WASHC5: variants seen among roughly 807,000 people sequenced by gnomAD.
The protein encoded by WASHC5 is WASH complex subunit strumpellin.
A neutral mutation model predicts 150.4 loss-of-function variants in WASHC5; 101 were observed. That is an observed-to-expected ratio of 0.67 (90% CI 0.57 to 0.79). The LOEUF (loss-of-function observed/expected upper bound fraction) is 0.79, where lower values mean the gene tolerates loss of function less well. WASHC5 is among the 30% of genes least tolerant of loss of function. The pLI, the probability that WASHC5 is intolerant of heterozygous loss-of-function variation, is 0.00. For missense variants in WASHC5, 1,195 were observed against 1,396.3 expected (o/e 0.86, Z 2.30); for synonymous variants, 467 against 491.2 (o/e 0.95, Z 0.65).
At chr8:125,062,276 A>C (rs1005465061) in intron 11 of WASHC5, among the ~76,000 whole-genome samples, 3 of 152,184 alleles carry the variant, frequency 2.0e-5, no homozygotes, top group African/African-American at 7.2e-5. Flanking sequence ...ATAAGGATTA[A>C]GATGTGTATC....
At position 125,067,678 on chromosome 8, in the gene WASHC5, G is replaced by T; in HGVS notation, c.1192C>A (p.Gln398Lys). The part of the protein sequence containing the change: ...NNKRLRQIKD[Q>K]ILTDSRYNPR... ...TTGTACCGAGAGTCTGTTAGAATCT[G>T]GTCCTTGATTTGACGAAGGCGTTTG... The change falls in exon 10 of 29, where the codon CAG becomes AAG. Residue 398 changes from glutamine to lysine, a missense_variant. Gln to Lys is a moderately conservative substitution (Grantham distance 53, BLOSUM62 1). Around this residue, in one of 3 missense-constraint regions of WASHC5, gnomAD observed 997 missense variants for 1,168.1 expected, o/e 0.85. Coordinates refer to ENST00000318410, the MANE Select transcript of WASHC5 (RefSeq NM_014846.4). 6.2e-7 allele frequency: 1 copy of T among 1,613,744 alleles called. No individual in the cohort carries two copies. The highest frequency in any genetic ancestry group is 8.5e-7 in the Non-Finnish European group (1 of 1,179,730).
chr8:125,047,576 T>C (rs1003886152), intron 19 of WASHC5, among the ~76,000 whole-genome samples: 13 of 151,944 alleles, frequency 8.6e-5, no homozygotes, highest in Non-Finnish European at 1.6e-4. Flanking sequence ...TAGCTGGGAT[T>C]ACAGGCACCC....
intron 1 of WASHC5, among the ~76,000 whole-genome samples, chr8:125,085,196 G>A (rs1018013851): frequency 6.6e-6 from 1 of 152,134 alleles, no homozygotes; most frequent in Non-Finnish European, 1.5e-5. Flanking sequence ...TTACAATAAA[G>A]AAATAAGAAG....
intron 24 of WASHC5, among the ~76,000 whole-genome samples, chr8:125,039,399 T>C (rs1815816470): frequency 6.6e-6 from 1 of 152,192 alleles, no homozygotes; most frequent in African/African-American, 2.4e-5. Flanking sequence ...CTCTGGATGA[T>C]GAGTGATCAG....
intron 12 of WASHC5, 64 bp downstream of exon 12, chr8:125,061,018 G>A: frequency 1.2e-6 from 1 of 847,544 alleles, no homozygotes; most frequent in Non-Finnish European, 2.0e-6. Context: ...GGAACAGACT[G>A]CTGGGTGGGT....
rs549642546 is a variant in WASHC5 at position 125,040,262 on chromosome 8, TCTTA to T, written c.2851-368_2851-365del. ...CAAATTTAGTAGCTGCTGTGAGAAG[TCTTA>T]CTTACTTCCTTTTATTTATCCTAAA... On this transcript the variant is annotated intron_variant, in intron 23 of 28. Coordinates refer to ENST00000318410, the MANE Select transcript of WASHC5 (RefSeq NM_014846.4). Among the ~76,000 whole-genome samples, 380 of 152,340 alleles carry T rather than the reference TCTTA, an allele frequency of 2.5e-3. 3 individuals carry two copies. Among genetic ancestry groups the T allele is most frequent in the Non-Finnish European group, 2.6e-3 (180 of 68,026 alleles).
At chr8:125,088,544 A>C (rs1008452964) in intron 1 of WASHC5, among the ~76,000 whole-genome samples, 2 of 152,050 alleles carry the variant, frequency 1.3e-5, no homozygotes, top group African/African-American at 4.8e-5. Context: ...GTAGCTTGCT[A>C]GTCCAGGGGA....
rs757307963 is a variant in WASHC5 at position 125,024,427 on chromosome 8, G to A, written c.*190C>T. 2.1e-5 allele frequency: 13 copies of A among 633,586 alleles called. No individual in the cohort carries two copies. The highest frequency in any genetic ancestry group is 3.7e-5 in the Non-Finnish European group (13 of 348,924). The allele number at this position is 633,586 out of a possible 1,614,324, so 39.2% of individuals were successfully genotyped here. A position where few individuals can be genotyped will look rare whatever the true frequency, so the allele number is the denominator to read the frequency against. On this transcript the variant is annotated 3_prime_UTR_variant, in exon 29 of 29. Transcript: ENST00000318410. ...TGATATAAATTGCATGTAATACCATGATTTAAACAATATCAGTTATATTAA... is the reference window on the plus strand; with the variant it reads ...TGATATAAATTGCATGTAATACCATAATTTAAACAATATCAGTTATATTAA...
chr8:125,062,494 G>A (rs1816625759), intron 11 of WASHC5, among the ~76,000 whole-genome samples: 1 of 152,104 alleles, frequency 6.6e-6, no homozygotes, highest in African/African-American at 2.4e-5. Flanking sequence ...TTGTTTTGCA[G>A]GTCACAATAT....
chr8:125,047,341 A>G lies in WASHC5; in HGVS notation c.2380-10T>C. 1 of 1,613,032 alleles carries G rather than the reference A, an allele frequency of 6.2e-7. No homozygotes were observed. The highest frequency in any genetic ancestry group is 8.5e-7 in the Non-Finnish European group (1 of 1,179,002). ...TTTGCCAATCTTGAATCTAGAAAAC[A>G]AAACCATCAATATTTAGTAAACCTT... On this transcript the variant is annotated splice_polypyrimidine_tract_variant and intron_variant, in intron 19 of 28. Transcript: ENST00000318410.
At chr8:125,053,388 A>G (rs1816307877) in intron 17 of WASHC5, among the ~76,000 whole-genome samples, 1 of 152,178 alleles carries the variant, frequency 6.6e-6, no homozygotes, top group African/African-American at 2.4e-5. Flanking sequence ...GGAAAAGATC[A>G]GTATTTTACC....
intron 9 of WASHC5, among the ~76,000 whole-genome samples, chr8:125,071,924 C>T (rs1816907099): frequency 1.3e-5 from 2 of 152,298 alleles, no homozygotes; most frequent in South Asian, 4.1e-4. Context: ...CTAAAGGCTG[C>T]CTGTATTCCT....
chr8:125,036,273 A>G (rs1201023012), intron 26 of WASHC5, among the ~76,000 whole-genome samples: 2 of 152,238 alleles, frequency 1.3e-5, no homozygotes, highest in Non-Finnish European at 2.9e-5. Flanking sequence ...CACCACAATT[A>G]GCTGCCTAAA....
chr8:125,047,376 A>T, intron 19 of WASHC5, 45 bp from the exon 20 acceptor site: 1 of 1,570,232 alleles, frequency 6.4e-7, no homozygotes, highest in Non-Finnish European at 8.8e-7. Flanking sequence ...TTGATAAGAT[A>T]ACCTAGTTAT....
chr8:125,032,299 C>T lies in WASHC5; in HGVS notation c.3277G>A (p.Glu1093Lys), dbSNP rs768967879. ...LLKQFHSRYT[E>K]QFLALIGQFI... is the part of the protein sequence containing the mutation. ...TGGCCAATCAGCGCCAGGAACTGCT[C>T]GGTGTACCGGGAATGGAACTGCTTC... Residue 1093 changes from glutamate to lysine, a missense_variant, in exon 27 of 29, where the codon GAG (glutamate) becomes AAG (lysine). Physicochemically the swap from Glu to Lys is moderately conservative, Grantham distance 56. Transcript: ENST00000318410. The T allele has an allele frequency of 6.8e-6, 11 of 1,614,014 alleles. No individual in the cohort carries two copies. Among genetic ancestry groups the T allele is most frequent in the African/African-American group, 4.0e-5 (3 of 74,910 alleles).
Position 125,073,115 on chromosome 8 carries a change from G to A in WASHC5, c.1150+38C>T, listed in dbSNP as rs754594599. 6 of 1,602,148 alleles carry A rather than the reference G, an allele frequency of 3.7e-6. No individual in the cohort carries two copies. The South Asian group carries it at 4.4e-5, about 12-fold the overall frequency. On this transcript the variant is annotated intron_variant, in intron 9 of 28. Coordinates refer to ENST00000318410, the MANE Select transcript of WASHC5 (RefSeq NM_014846.4). ...AGGTCCTGATTCTGAGAGTCTTTAT[G>A]TGGAGTAATATAAACGGCCACCCCT...
rs114721329 is a variant in WASHC5, at chr8:125,039,498, C to T, written c.2954+297G>A. 3.0e-3 allele frequency among the ~76,000 whole-genome samples: 450 copies of T among 152,252 alleles called. 4 individuals are homozygous for T. The highest frequency in any genetic ancestry group is 0.01 in the African/African-American group (426 of 41,556). On this transcript the variant is annotated intron_variant, in intron 24 of 28. Transcript: ENST00000318410. ...AGCAGTGTCTGGTGTGTCTCTCACT[C>T]GCTCTCTCTAATGAATTCATTTGTT...
At chr8:125,062,243 G>A (rs972466467) in intron 11 of WASHC5, among the ~76,000 whole-genome samples, 3 of 152,128 alleles carry the variant, frequency 2.0e-5, no homozygotes, top group Non-Finnish European at 4.4e-5. Context: ...ACATTTTTAA[G>A]CCTCAGTTTC....
chr8:125,032,396 T>C lies in WASHC5; in HGVS notation c.3182-2A>G. 1.2e-6 allele frequency: 2 copies of C among 1,613,858 alleles called. No homozygotes were observed. The highest frequency in any genetic ancestry group is 1.3e-5 in the African/African-American group (1 of 75,018). The stretch of plus-strand genomic sequence containing the variant: ...CGGTCGGTTTTCGGCAGACCATTCC[T>C]GCAAGGGAACAAGTTGCAACACCAT... On this transcript the variant is annotated splice_acceptor_variant, in intron 26 of 28. Transcript: ENST00000318410. LOFTEE classifies it high-confidence loss of function.
Sources: gnomAD v4.1 joint callset for allele counts (sites outside exome capture counted in the v4.1 genomes callset) on GRCh38, gnomAD v4.1.1 for gene constraint, gnomAD v4.1.1 regional missense constraint, MANE v1.5 for transcripts, NCBI Gene and HGNC (gene_info 2026-07-23, HGNC 2026-07-21) for gene names.